The following FAM221A variants were observed in gnomAD, a reference collection of about 807,000 sequenced individuals.
The protein encoded by FAM221A is protein FAM221A.
Under a neutral mutation model 37.6 loss-of-function variants are expected in FAM221A, and 43 were observed. The observed-to-expected ratio is 1.15, with a 90% confidence interval of 0.90 to 1.48. FAM221A has a LOEUF of 1.48. Ranked by LOEUF, FAM221A falls within the 40% of genes most tolerant of loss-of-function variation. The pLI, the probability that FAM221A is intolerant of heterozygous loss-of-function variation, is 0.00. For missense variants in FAM221A, 361 were observed against 361.5 expected, an observed-to-expected ratio of 1.00 and a Z score of 0.01; for synonymous variants, 135 against 132.9, an observed-to-expected ratio of 1.02 and a Z score of -0.11.
At chr7:23,694,597 C>A (rs1260947726) in intron 4 of FAM221A, 1 of 152,152 alleles carries the variant, frequency 6.6e-6, no homozygotes, top group Non-Finnish European at 1.5e-5. Context: ...ATCACTTAAT[C>A]CTCACAACAA....
intron 1 of FAM221A, among the ~76,000 whole-genome samples, 185 bp downstream of exon 1, chr7:23,680,468 C>T (rs1783962879): frequency 6.6e-6 from 1 of 152,132 alleles, no homozygotes; most frequent in African/African-American, 2.4e-5. Flanking sequence ...TAGGGCCACG[C>T]GGTTCTATGC....
At chr7:23,690,199 A>ATATATATATATATATTTT (rs774313037) in intron 3 of FAM221A, among the ~76,000 whole-genome samples, 49 of 48,720 alleles carry the variant, frequency 1.0e-3, no homozygotes, top group East Asian at 1.7e-3. Context: ...ATATATATAT[A>ATATATATATATATATTTT]TTTTTTTTTT....
In FAM221A at chr7:23,683,917, G is replaced by A. The variant is rs142309956; in HGVS notation, c.66-582G>A. Among the ~76,000 whole-genome samples, 88 of 152,292 alleles carry A rather than the reference G, an allele frequency of 5.8e-4. No individual in the cohort carries two copies. In the East Asian group the frequency reaches 0.014, roughly 25 times the overall value. On this transcript the variant is annotated intron_variant, in intron 1 of 6. Transcript: ENST00000344962. ...TACATATGTTTATAAGTATATATAT[G>A]TTTATGTGTAAGTGTGCATTTATCT...
At chr7:23,689,546 G>A (rs1784586355) in intron 3 of FAM221A, 87 bp downstream of exon 3, 1 of 983,172 alleles carries the variant, frequency 1.0e-6, no homozygotes. Flanking sequence ...TGGTTGTAGA[G>A]TTAATATTCA....
At chr7:23,694,272 A>G (rs1418400838) in intron 4 of FAM221A, 1 of 152,150 alleles carries the variant, frequency 6.6e-6, no homozygotes, top group Non-Finnish European at 1.5e-5. Flanking sequence ...CTGTGCCAAT[A>G]TTATATATTT....
At chr7:23,690,199 ATTT>A (rs398004023) in intron 3 of FAM221A, among the ~76,000 whole-genome samples, 161 of 48,732 alleles carry the variant, frequency 3.3e-3, no homozygotes, top group African/African-American at 0.01. Context: ...ATATATATAT[ATTT>A]TTTTTTTTTT....
chr7:23,682,412 T>TTTA (rs1007309199), intron 1 of FAM221A, among the ~76,000 whole-genome samples: 32 of 131,310 alleles, frequency 2.4e-4, no homozygotes, highest in East Asian at 6.4e-4. Context: ...TATATATATA[T>TTTA]TTATTATTAT....
At chr7:23,687,983 T>G (rs1381691517) in intron 2 of FAM221A, 1 of 151,954 alleles carries the variant, frequency 6.6e-6, no homozygotes, top group Non-Finnish European at 1.5e-5. Flanking sequence ...GTATTACATA[T>G]AGTTTTTAAA....
chr7:23,698,380 C>CT, intron 5 of FAM221A, 81 bp downstream of exon 5: 2 of 751,554 alleles, frequency 2.7e-6, no homozygotes, highest in Non-Finnish European at 4.5e-6. Flanking sequence ...AGGCATCTCT[C>CT]TTTTTTTCAT....
chr7:23,694,321 CATG>C (rs1299416094), intron 4 of FAM221A: 1 of 152,070 alleles, frequency 6.6e-6, no homozygotes, highest in Non-Finnish European at 1.5e-5. Context: ...CCTGGTGTGT[CATG>C]ATATTTGATA....
At chr7:23,699,535 C>CTTTTTTTT (rs57930152) in intron 5 of FAM221A, among the ~76,000 whole-genome samples, 35 of 64,196 alleles carry the variant, frequency 5.5e-4, no homozygotes, top group Non-Finnish European at 6.6e-4. Context: ...TCACCTTTTC[C>CTTTTTTTT]TTTTTTTTTT....
chr7:23,695,882 G>T (rs898724950), intron 4 of FAM221A, among the ~76,000 whole-genome samples: 1 of 151,502 alleles, frequency 6.6e-6, no homozygotes, highest in Non-Finnish European at 1.5e-5. Flanking sequence ...TCTTATTCTT[G>T]ACTAGTCAAA....
At chr7:23,680,347 G>A in intron 1 of FAM221A, 64 bp downstream of exon 1, 1 of 1,372,138 alleles carries the variant, frequency 7.3e-7, no homozygotes, top group South Asian at 1.4e-5. Flanking sequence ...CTGGGCTGGG[G>A]GCGCGAGCAG....
chr7:23,682,045 A>C (rs941522176), intron 1 of FAM221A, among the ~76,000 whole-genome samples: 1 of 151,902 alleles, frequency 6.6e-6, no homozygotes, highest in East Asian at 1.9e-4. Flanking sequence ...TTAGAAAAGC[A>C]GAATCTCAGG....
intron 4 of FAM221A, among the ~76,000 whole-genome samples, chr7:23,696,121 A>G (rs1352994152): frequency 2.6e-5 from 4 of 152,230 alleles, no homozygotes; most frequent in Non-Finnish European, 4.4e-5. Context: ...ACCTAGCTAC[A>G]TGGTATAGCC....
At chr7:23,682,690 C>T (rs1168974920) in intron 1 of FAM221A, among the ~76,000 whole-genome samples, 2 of 151,952 alleles carry the variant, frequency 1.3e-5, no homozygotes, top group East Asian at 3.9e-4. Context: ...CTCCCAAAGT[C>T]CTGGGATTAC....
At chr7:23,685,640 CTGCTGTGTCG>C (rs1784327485) in intron 2 of FAM221A, among the ~76,000 whole-genome samples, 1 of 152,228 alleles carries the variant, frequency 6.6e-6, no homozygotes, top group African/African-American at 2.4e-5. Context: ...CCTTAAGGAT[CTGCTGTGTCG>C]ATACCTTTCT....
chr7:23,683,799 T>C (rs765809009), intron 1 of FAM221A, among the ~76,000 whole-genome samples: 2 of 152,170 alleles, frequency 1.3e-5, no homozygotes, highest in African/African-American at 2.4e-5. Flanking sequence ...GGCCCAGTAA[T>C]GTGATTCAGA....
At chr7:23,691,276 A>C in intron 3 of FAM221A, 114 bp from the exon 4 acceptor site, 2 of 887,428 alleles carry the variant, frequency 2.3e-6, no homozygotes, top group Non-Finnish European at 3.6e-6. Context: ...GCTGGAGGTA[A>C]GAGTTACAGG....
Sources: allele counts gnomAD v4.1 joint callset (sites outside exome capture counted in the v4.1 genomes callset), GRCh38; gene constraint gnomAD v4.1.1; transcripts MANE v1.5; gene names NCBI Gene and HGNC (gene_info 2026-07-23, HGNC 2026-07-21).